Variants in PEX7 observed in about 807,000 individuals in gnomAD.
PEX7 encodes the protein peroxisomal biogenesis factor 7.
A neutral mutation model predicts 47.5 loss-of-function variants in PEX7; 34 were observed. That is an observed-to-expected ratio of 0.72 (90% CI 0.54 to 0.95). The LOEUF (loss-of-function observed/expected upper bound fraction) is 0.95, where lower values mean the gene tolerates loss of function less well. Ranked by LOEUF, PEX7 falls within the 40% of genes least tolerant of loss-of-function variation. The pLI is 0.00. For missense variants in PEX7, 394 were observed against 400.3 expected (o/e 0.98, Z 0.13); for synonymous variants, 141 against 148.8 (o/e 0.95, Z 0.38).
intron 1 of PEX7, chr6:136,823,097 A>C (rs887233183): frequency 2.0e-6 from 2 of 985,250 alleles, no homozygotes; most frequent in African/African-American, 3.5e-5. Context: ...GCCCAGGCAC[A>C]CGTCCCCGTA....
At chr6:136,829,060 T>C (rs1036559956) in intron 3 of PEX7, among the ~76,000 whole-genome samples, 1 of 152,222 alleles carries the variant, frequency 6.6e-6, no homozygotes, top group Non-Finnish European at 1.5e-5. Context: ...GTTAGTGTAA[T>C]AGAAAACAAT....
At chr6:136,912,790 A>G (rs766173783) in intron 9 of PEX7, among the ~76,000 whole-genome samples, 1 of 152,214 alleles carries the variant, frequency 6.6e-6, no homozygotes, top group Non-Finnish European at 1.5e-5. Context: ...TATTAATTTT[A>G]TACCCGGAGA....
rs113268723 is a variant in PEX7, at chr6:136,845,652, A to C, written c.377A>C (p.Gln126Pro). ...SVDWSQTRGEQLVVSGSWDQT... is the reference protein window; with the variant it reads ...SVDWSQTRGEPLVVSGSWDQT... Reference sequence around the variant, plus strand: ...GATTGGAGCCAAACCAGAGGTGAACAGCTTGTGGTGTCTGGCTCATGGGAT... The same window carrying C: ...GATTGGAGCCAAACCAGAGGTGAACCGCTTGTGGTGTCTGGCTCATGGGAT... The change falls in exon 4 of 10, where the codon CAG becomes CCG. Residue 126 changes from glutamine (Q) to proline (P), a missense_variant. Gln to Pro is a moderately conservative substitution (Grantham distance 76). Coordinates refer to ENST00000318471, the MANE Select transcript of PEX7 (RefSeq NM_000288.4). 4.4e-3 allele frequency: 7,142 copies of C among 1,611,638 alleles called. 14 individuals are homozygous for C. Among genetic ancestry groups the C allele is most frequent in the Non-Finnish European group, 4.9e-3 (5,735 of 1,177,762 alleles).
chr6:136,826,829 A>G (rs1213033873), intron 3 of PEX7, among the ~76,000 whole-genome samples: 3 of 152,110 alleles, frequency 2.0e-5, no homozygotes, highest in Non-Finnish European at 4.4e-5. Flanking sequence ...TAGACATCAC[A>G]AGATTGCCTT....
At chr6:136,838,969 C>G (rs888358793) in intron 3 of PEX7, among the ~76,000 whole-genome samples, 15 of 152,020 alleles carry the variant, frequency 9.9e-5, no homozygotes, top group Admixed American at 7.2e-4. Context: ...ATTACATGAG[C>G]CCAGGATTTA....
At chr6:136,863,979 G>A (rs974824149) in intron 5 of PEX7, among the ~76,000 whole-genome samples, 2 of 152,180 alleles carry the variant, frequency 1.3e-5, no homozygotes, top group Admixed American at 1.3e-4. Flanking sequence ...GCAGCGCAGT[G>A]TAGTTGTAAA....
chr6:136,863,863 C>G (rs1052212841), intron 5 of PEX7, among the ~76,000 whole-genome samples: 1 of 152,104 alleles, frequency 6.6e-6, no homozygotes, highest in South Asian at 2.1e-4. Flanking sequence ...GAGCTGAGAT[C>G]GCATCACTGC....
At chr6:136,830,109 A>G (rs988637865) in intron 3 of PEX7, 17 of 688,894 alleles carry the variant, frequency 2.5e-5, no homozygotes, top group Non-Finnish European at 2.7e-5. Flanking sequence ...GGTTTTAGTC[A>G]ATCTTGGATT....
chr6:136,826,315 G>A lies in PEX7; in HGVS notation c.189-4G>A, dbSNP rs1562725906. Reference sequence around the variant, plus strand: ...TTTTTGTTGTTTGTTTTTTCCTAGTGTAGCTTTGACTGGAATGATGGTTTG... The same window carrying A: ...TTTTTGTTGTTTGTTTTTTCCTAGTATAGCTTTGACTGGAATGATGGTTTG... On this transcript the variant is annotated splice_polypyrimidine_tract_variant and splice_region_variant and intron_variant, in intron 2 of 9. Coordinates refer to ENST00000318471, the MANE Select transcript of PEX7 (RefSeq NM_000288.4). The A allele has an allele frequency of 2.5e-6, 4 of 1,613,796 alleles. No homozygotes were observed. The highest frequency in any genetic ancestry group is 2.2e-5 in the East Asian group (1 of 44,870).
At chr6:136,839,740 G>C (rs1317539970) in intron 3 of PEX7, among the ~76,000 whole-genome samples, 1 of 152,170 alleles carries the variant, frequency 6.6e-6, no homozygotes, top group African/African-American at 2.4e-5. Flanking sequence ...ATTCAGATTT[G>C]TTTCTCTTTT....
intron 3 of PEX7, among the ~76,000 whole-genome samples, chr6:136,833,973 G>T (rs946375640): frequency 1.3e-5 from 2 of 152,206 alleles, no homozygotes; most frequent in Non-Finnish European, 2.9e-5. Flanking sequence ...TTTGGGACAT[G>T]CAGACAAACC....
chr6:136,890,927 T>C (rs1287916709), intron 8 of PEX7, among the ~76,000 whole-genome samples: 1 of 152,232 alleles, frequency 6.6e-6, no homozygotes, highest in African/African-American at 2.4e-5. Flanking sequence ...ATCCTTAAGA[T>C]AGTGATACTA....
intron 5 of PEX7, among the ~76,000 whole-genome samples, chr6:136,848,043 C>G (rs1241836655): frequency 6.6e-6 from 1 of 152,078 alleles, no homozygotes; most frequent in Non-Finnish European, 1.5e-5. Flanking sequence ...TGTAGTTCTC[C>G]TTGAAGAGGT....
At chr6:136,899,441 G>A (rs1775714858) in intron 9 of PEX7, among the ~76,000 whole-genome samples, 1 of 151,716 alleles carries the variant, frequency 6.6e-6, no homozygotes, top group African/African-American at 2.4e-5. Context: ...ATGGGGTTTC[G>A]CCATGTTGAC....
chr6:136,864,049 TCTGTTG>T (rs1484130522), intron 5 of PEX7, among the ~76,000 whole-genome samples: 4 of 152,134 alleles, frequency 2.6e-5, no homozygotes, highest in Non-Finnish European at 5.9e-5. Flanking sequence ...AGGTCCTGGT[TCTGTTG>T]CTTACTATCC....
intron 9 of PEX7, among the ~76,000 whole-genome samples, chr6:136,913,106 CTTGT>C (rs1775958292): frequency 6.6e-6 from 1 of 152,224 alleles, no homozygotes; most frequent in South Asian, 2.1e-4. Flanking sequence ...AGCACAGCAT[CTTGT>C]TCACAGTCTG....
chr6:136,898,356 C>T (rs991856374), intron 9 of PEX7, 115 bp downstream of exon 9: 6 of 733,666 alleles, frequency 8.2e-6, no homozygotes, highest in Non-Finnish European at 1.5e-5. Context: ...TAAGCTGGAG[C>T]GTTTGAGCAT....
At chr6:136,843,725 TG>T (rs1346571080) in intron 3 of PEX7, among the ~76,000 whole-genome samples, 1 of 152,200 alleles carries the variant, frequency 6.6e-6, no homozygotes. Flanking sequence ...AACTAACAGA[TG>T]GCCACAGCAG....
intron 3 of PEX7, among the ~76,000 whole-genome samples, chr6:136,837,355 C>G (rs890057798): frequency 3.9e-5 from 1 of 25,322 alleles, no homozygotes; most frequent in Non-Finnish European, 7.8e-5. Context: ...GAGTGAGAGT[C>G]TGTCACAAAA....
Sources: allele counts gnomAD v4.1 joint callset (sites outside exome capture counted in the v4.1 genomes callset), GRCh38; gene constraint gnomAD v4.1.1; transcripts MANE v1.5; gene names NCBI Gene and HGNC (gene_info 2026-07-23, HGNC 2026-07-21).